PDLIM1: variants seen among roughly 807,000 people sequenced by gnomAD.
PDLIM1 encodes PDZ and LIM domain protein 1.
Under a neutral mutation model 35.2 loss-of-function variants are expected in PDLIM1, and 25 were observed. The ratio of observed to expected loss-of-function variants is 0.71; its 90% CI spans 0.52 to 0.99. The LOEUF (loss-of-function observed/expected upper bound fraction) is 0.99. PDLIM1 is among the 50% of genes least tolerant of loss of function. The probability of loss-of-function intolerance (pLI) is 0.00; values close to 1 mark genes in which losing one functional copy is unlikely to be tolerated. For missense variants in PDLIM1, 363 were observed against 415.3 expected (o/e 0.87, Z 1.09); for synonymous variants, 152 against 154.0 (o/e 0.99, Z 0.10).
intron 4 of PDLIM1, among the ~76,000 whole-genome samples, chr10:95,253,365 A>G (rs1247712422): frequency 6.6e-6 from 1 of 152,224 alleles, no homozygotes; most frequent in East Asian, 1.9e-4. Flanking sequence ...CTACCCTAAC[A>G]ATGTTTAAAG....
intron 4 of PDLIM1, among the ~76,000 whole-genome samples, chr10:95,250,870 C>T (rs1482138726): frequency 3.9e-5 from 6 of 152,178 alleles, no homozygotes; most frequent in African/African-American, 1.4e-4. Context: ...TTAATATTTT[C>T]TCCCACTATT....
At chr10:95,287,742 G>A (rs1432703512) in intron 1 of PDLIM1, among the ~76,000 whole-genome samples, 1 of 152,046 alleles carries the variant, frequency 6.6e-6, no homozygotes, top group Non-Finnish European at 1.5e-5. Flanking sequence ...AAAAATATCA[G>A]AGAACAGTGG....
intron 4 of PDLIM1, among the ~76,000 whole-genome samples, chr10:95,251,111 G>A (rs2035264106): frequency 6.6e-6 from 1 of 152,178 alleles, no homozygotes; most frequent in Non-Finnish European, 1.5e-5. Flanking sequence ...GTGAGGGTCA[G>A]AAGGACGAGG....
chr10:95,241,588 C>G (rs2035178557), intron 5 of PDLIM1, among the ~76,000 whole-genome samples: 1 of 152,188 alleles, frequency 6.6e-6, no homozygotes, highest in African/African-American at 2.4e-5. Context: ...AACAAGGACT[C>G]ATATGGCCCA....
chr10:95,286,904 C>G (rs977341893), intron 1 of PDLIM1, among the ~76,000 whole-genome samples: 3 of 152,212 alleles, frequency 2.0e-5, no homozygotes, highest in Non-Finnish European at 4.4e-5. Context: ...GTGCTTTTCC[C>G]AGTCCTGGTC....
chr10:95,247,179 G>T, intron 5 of PDLIM1, 36 bp downstream of exon 5: 1 of 1,590,738 alleles, frequency 6.3e-7, no homozygotes, highest in South Asian at 1.2e-5. Flanking sequence ...ATCTGACCTT[G>T]AACAAGAGCC....
chr10:95,259,103 T>C (rs1413952360), intron 4 of PDLIM1, among the ~76,000 whole-genome samples: 8 of 152,092 alleles, frequency 5.3e-5, no homozygotes, highest in Non-Finnish European at 1.2e-4. Context: ...CTTGCAGAGA[T>C]GGAAATGTTC....
chr10:95,244,795 G>T (rs903282084), intron 5 of PDLIM1, among the ~76,000 whole-genome samples: 3 of 152,114 alleles, frequency 2.0e-5, no homozygotes, highest in Non-Finnish European at 4.4e-5. Flanking sequence ...AGATACTTGG[G>T]AGGCTGAGGC....
intron 4 of PDLIM1, 118 bp from the exon 5 acceptor site, chr10:95,247,484 G>A (rs1172763006): frequency 5.0e-6 from 4 of 807,118 alleles, no homozygotes; most frequent in Non-Finnish European, 7.8e-6. Context: ...TGATCTCAAA[G>A]CCCTCTCCTA....
At chr10:95,263,834 G>C in intron 4 of PDLIM1, 30 bp downstream of exon 4, 3 of 1,561,088 alleles carry the variant, frequency 1.9e-6, no homozygotes, top group Non-Finnish European at 2.6e-6. Context: ...TCCCAGGAGC[G>C]GCTCAGAGGA....
At chr10:95,265,888 T>A (rs11597364) in intron 3 of PDLIM1, among the ~76,000 whole-genome samples, 92,091 of 150,888 alleles carry the variant, frequency 0.61, 29,426 homozygotes, top group Non-Finnish European at 0.7. Flanking sequence ...GTGACAGAGC[T>A]AGACTCTCAT....
At chr10:95,248,591 G>T (rs1024416218) in intron 4 of PDLIM1, among the ~76,000 whole-genome samples, 1 of 152,210 alleles carries the variant, frequency 6.6e-6, no homozygotes, top group Admixed American at 6.5e-5. Context: ...TCATGCTGTG[G>T]CTCAATGTAT....
chr10:95,237,889 G>A lies in PDLIM1; in HGVS notation c.*36C>T, dbSNP rs761816037. ...AACACTGAGAGAAAAAGCTGCAGCA[G>A]AGGCCTGCTGGAGAACAGTGGTCAG... On this transcript the variant is annotated 3_prime_UTR_variant, in exon 7 of 7. Transcript: ENST00000329399. 2.5e-6 allele frequency: 4 copies of A among 1,583,716 alleles called. No individual in the cohort carries two copies. The African/African-American group carries it at 4.0e-5, about 16-fold the overall frequency.
rs1471891577 is a variant in PDLIM1, at chr10:95,263,382, GA to G, written c.533+481del. 5.3e-5 allele frequency among the ~76,000 whole-genome samples: 8 copies of G among 152,176 alleles called. No individual in the cohort carries two copies. The East Asian group carries it at 9.7e-4, about 18-fold the overall frequency. On this transcript the variant is annotated intron_variant, in intron 4 of 6. Coordinates refer to ENST00000329399, the MANE Select transcript of PDLIM1 (RefSeq NM_020992.4). ...TTCATGACCTCTGGTCCACTCTAGG[GA>G]AAAAGCAAACACTGCTTCACCAAAA...
chr10:95,247,927 G>A (rs2035236845), intron 4 of PDLIM1, among the ~76,000 whole-genome samples: 1 of 152,248 alleles, frequency 6.6e-6, no homozygotes, highest in Non-Finnish European at 1.5e-5. Context: ...TCACAGTTTG[G>A]TGGTAAGGAT....
chr10:95,253,524 G>A (rs966107670), intron 4 of PDLIM1, among the ~76,000 whole-genome samples: 4 of 152,068 alleles, frequency 2.6e-5, no homozygotes, highest in Non-Finnish European at 4.4e-5. Flanking sequence ...GCGTGGTGGC[G>A]GATGCCCGTT....
At position 95,290,911 on chromosome 10, in the gene PDLIM1, G is replaced by C; in HGVS notation, c.5C>G (p.Thr2Ser). Residue 2 changes from threonine to serine, a missense_variant, in exon 1 of 7, where the codon ACC (threonine) becomes AGC (serine). Transcript: ENST00000329399. This position sits in a 1 kb window ranked among gnomAD's most constrained non-coding sequence, Gnocchi z 4.7. M[T>S]TQQIDLQGPG... The stretch of plus-strand genomic sequence containing the variant: ...GCCCTGGAGGTCTATCTGCTGGGTG[G>C]TCATGGCGCGGCTGTGGCGGGCGAC... 1 of 1,549,928 alleles carries C rather than the reference G, an allele frequency of 6.5e-7. No homozygotes were observed.
rs192099405 is a variant in PDLIM1, at chr10:95,263,968, C to A, written c.429G>T (p.Gln143His). Residue 143 changes from glutamine (Q) to histidine (H), a missense_variant, in exon 4 of 7, where the codon CAG becomes CAT. Transcript: ENST00000329399. ...SSTTARVITN[Q>H]YNNPAGLYSS... ...AGTAGAGGCCAGCTGGGTTGTTGTA[C>A]TGGTTTGTGATGACCCTGGCAGTAG... 366 of 1,613,880 alleles carry A rather than the reference C, an allele frequency of 2.3e-4. No homozygotes were observed. The East Asian group carries it at 7.6e-3, about 34-fold the overall frequency.
rs780964039 is a variant in PDLIM1 at position 95,290,908 on chromosome 10, G to A, written c.8C>T (p.Thr3Ile). The A allele has an allele frequency of 3.2e-6, 5 of 1,553,172 alleles. 1 individual carries two copies. The highest frequency in any genetic ancestry group is 3.4e-4 in the Middle Eastern group (2 of 5,842). MTTQQIDLQGPGP... is the reference protein window; with the variant it reads MTIQQIDLQGPGP... Reference sequence around the variant, plus strand: ...CGGGCCCTGGAGGTCTATCTGCTGGGTGGTCATGGCGCGGCTGTGGCGGGC... The same window carrying A: ...CGGGCCCTGGAGGTCTATCTGCTGGATGGTCATGGCGCGGCTGTGGCGGGC... Residue 3 changes from threonine to isoleucine, a missense_variant, in exon 1 of 7, where the codon ACC (threonine) becomes ATC (isoleucine). Coordinates refer to ENST00000329399, the MANE Select transcript of PDLIM1 (RefSeq NM_020992.4). This position sits in a 1 kb window ranked among gnomAD's most constrained non-coding sequence, Gnocchi z 4.7.
Sources: allele counts gnomAD v4.1 joint callset (sites outside exome capture counted in the v4.1 genomes callset), GRCh38; gene constraint gnomAD v4.1.1; non-coding constraint Gnocchi (gnomAD v3.1); transcripts MANE v1.5; gene names NCBI Gene and HGNC (gene_info 2026-07-23, HGNC 2026-07-21).